HS6ST1: variants seen among roughly 807,000 people sequenced by gnomAD.
The protein encoded by HS6ST1 is heparan-sulfate 6-O-sulfotransferase 1.
A neutral mutation model predicts 25.2 loss-of-function variants in HS6ST1; 3 were observed. The ratio of observed to expected loss-of-function variants is 0.12; its 90% CI spans 0.05 to 0.31. HS6ST1 has a LOEUF of 0.31. HS6ST1 is among the 10% of genes least tolerant of loss of function. The pLI, the probability that HS6ST1 is intolerant of heterozygous loss-of-function variation, is 1.00. For synonymous variants in HS6ST1, 204 were observed against 275.1 expected, an observed-to-expected ratio of 0.74 and a Z score of 2.56; for missense variants, 310 against 609.6, an observed-to-expected ratio of 0.51 and a Z score of 5.18.
intron 1 of HS6ST1, among the ~76,000 whole-genome samples, chr2:128,269,789 C>T (rs1167631748): frequency 1.3e-5 from 2 of 152,180 alleles, no homozygotes; most frequent in Non-Finnish European, 2.9e-5. Flanking sequence ...CCTCACTGCC[C>T]GGGGGAGCAG....
chr2:128,274,170 G>A (rs1333373726), intron 1 of HS6ST1, among the ~76,000 whole-genome samples: 1 of 152,206 alleles, frequency 6.6e-6, no homozygotes, highest in Non-Finnish European at 1.5e-5. Flanking sequence ...AGAGGGGAGA[G>A]AGAAAATAGA....
intron 1 of HS6ST1, among the ~76,000 whole-genome samples, chr2:128,311,004 C>G (rs994955386): frequency 5.2e-5 from 4 of 76,772 alleles, no homozygotes; most frequent in Non-Finnish European, 9.0e-5. Flanking sequence ...TTCCACTCCA[C>G]ACCCCGCTCA....
chr2:128,309,434 C>T (rs1178425713), intron 1 of HS6ST1, among the ~76,000 whole-genome samples: 1 of 152,236 alleles, frequency 6.6e-6, no homozygotes, highest in East Asian at 1.9e-4. Flanking sequence ...GTGGAGAGCC[C>T]CTCCTAGGGA....
At chr2:128,298,809 A>C (rs145658739) in intron 1 of HS6ST1, among the ~76,000 whole-genome samples, 2 of 152,320 alleles carry the variant, frequency 1.3e-5, no homozygotes, top group African/African-American at 2.4e-5. Flanking sequence ...GGTAAATTTT[A>C]TGTTATGCAT....
At chr2:128,297,699 T>A (rs1694060810) in intron 1 of HS6ST1, among the ~76,000 whole-genome samples, 1 of 152,092 alleles carries the variant, frequency 6.6e-6, no homozygotes, top group African/African-American at 2.4e-5. Flanking sequence ...CTGGGCGTGG[T>A]GGCACATGCC....
chr2:128,288,035 T>C (rs1447307072), intron 1 of HS6ST1, among the ~76,000 whole-genome samples: 3 of 152,202 alleles, frequency 2.0e-5, no homozygotes, highest in African/African-American at 7.2e-5. Flanking sequence ...AGTGCCCTGC[T>C]TCTTCACAGG....
At chr2:128,276,692 A>C (rs907069769) in intron 1 of HS6ST1, among the ~76,000 whole-genome samples, 6 of 152,180 alleles carry the variant, frequency 3.9e-5, no homozygotes, top group African/African-American at 7.2e-5. Context: ...TTGAGACTCT[A>C]GAAGGCAGCC....
chr2:128,268,156 C>T lies in HS6ST1; in HGVS notation c.*6G>A, dbSNP rs765246031. ...CCAAGAGGCCTCCCCGTGGCCACCA[C>T]CGCCACTACCACTTCTCAATGATGT... On this transcript the variant is annotated 3_prime_UTR_variant, in exon 2 of 2. Transcript: ENST00000259241. 9.4e-6 allele frequency: 15 copies of T among 1,597,044 alleles called. No individual in the cohort carries two copies. The East Asian group carries it at 1.6e-4, about 17-fold the overall frequency.
chr2:128,269,900 G>T (rs1693586743), intron 1 of HS6ST1, among the ~76,000 whole-genome samples: 1 of 152,184 alleles, frequency 6.6e-6, no homozygotes, highest in Admixed American at 6.5e-5. Context: ...CTGGGCAGGG[G>T]TGGGGGTGGG....
chr2:128,299,622 ATC>A (rs1407746761), intron 1 of HS6ST1, among the ~76,000 whole-genome samples: 4 of 152,186 alleles, frequency 2.6e-5, no homozygotes, highest in East Asian at 1.9e-4. Flanking sequence ...AGCACAGTGG[ATC>A]TCTGTCTTTG....
intron 1 of HS6ST1, among the ~76,000 whole-genome samples, chr2:128,280,832 G>A (rs973125095): frequency 6.6e-6 from 1 of 152,316 alleles, no homozygotes; most frequent in Admixed American, 6.5e-5. Flanking sequence ...AGGCTGTGCT[G>A]CCCACACCCC....
chr2:128,314,876 G>A (rs1328179899), intron 1 of HS6ST1, among the ~76,000 whole-genome samples: 1 of 152,252 alleles, frequency 6.6e-6, no homozygotes, highest in Non-Finnish European at 1.5e-5. Flanking sequence ...CATTTCCAGG[G>A]TGGCCCGGGC....
chr2:128,306,444 C>T (rs1694211369), intron 1 of HS6ST1, among the ~76,000 whole-genome samples: 1 of 152,222 alleles, frequency 6.6e-6, no homozygotes, highest in Non-Finnish European at 1.5e-5. Flanking sequence ...CAGAAAACCT[C>T]AGTGCTTACA....
chr2:128,316,470 G>A (rs1694364352), intron 1 of HS6ST1, among the ~76,000 whole-genome samples: 1 of 152,234 alleles, frequency 6.6e-6, no homozygotes, highest in African/African-American at 2.4e-5. Context: ...AAGGGTGGGT[G>A]GGGGCATGGC....
At chr2:128,279,330 C>CTTTT (rs61670210) in intron 1 of HS6ST1, among the ~76,000 whole-genome samples, 3 of 124,720 alleles carry the variant, frequency 2.4e-5, no homozygotes, top group African/African-American at 6.3e-5. Flanking sequence ...ATGACAGAAC[C>CTTTT]TTTTTTTTTT....
At chr2:128,309,806 C>T (rs2104936217) in intron 1 of HS6ST1, among the ~76,000 whole-genome samples, 1 of 152,354 alleles carries the variant, frequency 6.6e-6, no homozygotes, top group East Asian at 1.9e-4. Flanking sequence ...CTCCCCATGG[C>T]ACGCGGACAG....
chr2:128,275,881 G>A (rs576882974), intron 1 of HS6ST1, among the ~76,000 whole-genome samples: 2 of 152,204 alleles, frequency 1.3e-5, no homozygotes, highest in African/African-American at 4.8e-5. Flanking sequence ...GAGGTGTTGG[G>A]GAGGCTGCAG....
chr2:128,274,560 C>T (rs532155248), intron 1 of HS6ST1, among the ~76,000 whole-genome samples: 280 of 137,010 alleles, frequency 2.0e-3, no homozygotes, highest in African/African-American at 6.2e-3. Context: ...AAAGAAAAAA[C>T]AGAACAAACA....
At chr2:128,275,716 C>T (rs916939957) in intron 1 of HS6ST1, among the ~76,000 whole-genome samples, 4 of 152,168 alleles carry the variant, frequency 2.6e-5, no homozygotes, top group South Asian at 2.1e-4. Context: ...AGAGTAGGCA[C>T]GAATGCAGGG....
Sources: gnomAD v4.1 joint callset for allele counts (sites outside exome capture counted in the v4.1 genomes callset) on GRCh38, gnomAD v4.1.1 for gene constraint, MANE v1.5 for transcripts, NCBI Gene and HGNC (gene_info 2026-07-23, HGNC 2026-07-21) for gene names.